The following ABCB9 variants were observed in gnomAD, a reference collection of about 807,000 sequenced individuals.
ABCB9 encodes ATP binding cassette subfamily B member 9, also known as ABC-type oligopeptide transporter ABCB9.
ABCB9 carries 36 observed loss-of-function variants against 62.0 expected under a neutral mutation model. The ratio of observed to expected loss-of-function variants is 0.58; its 90% CI spans 0.45 to 0.77. ABCB9 has a LOEUF of 0.77. Among genes scored for constraint, ABCB9 ranks in the 30% least tolerant of loss-of-function variants. ABCB9 has a pLI of 0.00. For synonymous variants in ABCB9, 435 were observed against 461.4 expected, an observed-to-expected ratio of 0.94 and a Z score of 0.73; for missense variants, 943 against 1,054.7, an observed-to-expected ratio of 0.89 and a Z score of 1.47.
chr12:122,963,732 C>T (rs2037031394), intron 1 of ABCB9, among the ~76,000 whole-genome samples: 2 of 152,158 alleles, frequency 1.3e-5, no homozygotes, highest in African/African-American at 4.8e-5. Flanking sequence ...GGGGATATAA[C>T]AACCTCCAAG....
intron 5 of ABCB9, chr12:122,946,618 A>C (rs2036059144): frequency 4.1e-6 from 1 of 244,594 alleles, no homozygotes; most frequent in Admixed American, 5.0e-5. Context: ...CAGGTTGTAC[A>C]CTATTTAAGA....
At chr12:122,948,457 T>C (rs759057150) in intron 5 of ABCB9, 167 bp downstream of exon 5, 17 of 642,412 alleles carry the variant, frequency 2.6e-5, no homozygotes, top group Admixed American at 1.8e-4. Flanking sequence ...ACATAGCAGG[T>C]GGTCAATAAT....
Position 122,929,812 on chromosome 12 carries a change from G to A in ABCB9, c.*99C>T. ...ACATGGCAGGTCGTCTTTCAGTGCT[G>A]CAGGCCTGGGCTCGGAGGGCAGCTG... On this transcript the variant is annotated 3_prime_UTR_variant, in exon 12 of 12. Transcript: ENST00000280560. The surrounding 1 kb of genome is among the most constrained non-coding windows in gnomAD (Gnocchi z 6.0). 7.0e-7 allele frequency: 1 copy of A among 1,436,710 alleles called. No individual in the cohort carries two copies. The highest frequency in any genetic ancestry group is 9.1e-7 in the Non-Finnish European group (1 of 1,096,962). 89.0% of individuals were successfully genotyped at this position (1,436,710 alleles called of 1,614,324 possible). A position where few individuals can be genotyped will look rare whatever the true frequency, so the allele number is the denominator to read the frequency against.
rs1177016620 is a variant in ABCB9, at chr12:122,932,042, C to G, written c.2040+150G>C. The G allele has an allele frequency of 2.8e-6, 4 of 1,406,232 alleles. No homozygotes were observed. Among genetic ancestry groups the G allele is most frequent in the Non-Finnish European group, 2.9e-6 (3 of 1,035,692 alleles). 87.1% of individuals were successfully genotyped at this position (1,406,232 alleles called of 1,614,324 possible). ...AGAGTGGCTCCTGGCTCCCCACTCT[C>G]AACACCAGGAATTCACCAGCCCAGG... is the stretch of plus-strand genomic sequence containing the variant. On this transcript the variant is annotated intron_variant, in intron 11 of 11. Transcript: ENST00000280560. The surrounding 1 kb of genome is among the most constrained non-coding windows in gnomAD (Gnocchi z 4.7).
intron 3 of ABCB9, 66 bp from the exon 4 acceptor site, chr12:122,949,984 C>T (rs757726468): frequency 1.9e-6 from 3 of 1,599,100 alleles, no homozygotes; most frequent in Non-Finnish European, 1.7e-6. Context: ...CCCGGCTGCC[C>T]CCTCCCGCTG....
Position 122,930,569 on chromosome 12 carries a change from C to T in ABCB9, c.2041-398G>A, listed in dbSNP as rs1482081562. 6.6e-6 allele frequency among the ~76,000 whole-genome samples: 1 copy of T among 151,980 alleles called. No individual in the cohort carries two copies. Among genetic ancestry groups the T allele is most frequent in the Non-Finnish European group, 1.5e-5 (1 of 67,988 alleles). ...GGATTACAGGTGCCCGCCACCATAC[C>T]CAGCTAATTTTTGTATTTTTAGTAG... On this transcript the variant is annotated intron_variant, in intron 11 of 11. Transcript: ENST00000280560. The surrounding 1 kb of genome is among the most constrained non-coding windows in gnomAD (Gnocchi z 4.9).
intron 6 of ABCB9, 35 bp downstream of exon 6, chr12:122,945,990 T>TCCACAGCCAGAGCTGCC: frequency 6.3e-7 from 1 of 1,588,280 alleles, no homozygotes; most frequent in Non-Finnish European, 8.6e-7. Context: ...ATCCCATCCC[T>TCCACAGCCAGAGCTGCC]CCACAGCCAG....
At position 122,922,197 on chromosome 12, in the gene ABCB9, G is replaced by A. The variant is rs547877081; in HGVS notation, c.2041-1154C>T. On this transcript the variant is annotated intron_variant, in intron 11 of 11. Transcript: ENST00000344275. ...GGCCACAGCAGCACTTATCATGCCA[G>A]GGTTTGTTTAGTTTGTTTACAGTGT... 1.0e-3 allele frequency among the ~76,000 whole-genome samples: 154 copies of A among 152,234 alleles called. 1 individual carries two copies. Among genetic ancestry groups the A allele is most frequent in the African/African-American group, 3.2e-3 (134 of 41,562 alleles).
At chr12:122,973,330 C>A (rs2037306703) in intron 1 of ABCB9, 1 of 150,884 alleles carries the variant, frequency 6.6e-6, no homozygotes, top group South Asian at 2.1e-4. Flanking sequence ...TTTGGGAGGC[C>A]GAGGCGGGTG....
Position 122,940,284 on chromosome 12 carries a change from T to G in ABCB9, c.1570A>C (p.Asn524His), listed in dbSNP as rs747405658. Residue 524 changes from asparagine to histidine, a missense_variant and splice_region_variant, in exon 9 of 12, where the codon AAT becomes CAT. Asn to His is a moderately conservative substitution (Grantham distance 68). Transcript: ENST00000280560. This position sits in a 1 kb window ranked among gnomAD's most constrained non-coding sequence, Gnocchi z 4.8. ...CCGGGGGACAGGCTGAAGGAGACAT[T>G]CTGCAAAGAACACACAGGCACAGTG... is the stretch of plus-strand genomic sequence containing the variant. ...RTRPHTQVLQ[N>H]VSFSLSPGKV... 2.5e-6 allele frequency: 4 copies of G among 1,589,158 alleles called. No individual in the cohort carries two copies. The highest frequency in any genetic ancestry group is 3.4e-6 in the Non-Finnish European group (4 of 1,166,642).
chr12:122,930,438 CT>C lies in ABCB9; in HGVS notation c.2041-268del, dbSNP rs1208536801. 4.6e-5 allele frequency among the ~76,000 whole-genome samples: 5 copies of C among 108,418 alleles called. No individual in the cohort carries two copies. Among genetic ancestry groups the C allele is most frequent in the African/African-American group, 1.8e-4 (5 of 28,006 alleles). The allele number at this position is 108,418 out of a possible 152,430, so 71.1% of individuals were successfully genotyped here. A position where few individuals can be genotyped will look rare whatever the true frequency, so the allele number is the denominator to read the frequency against. ...TTTTTTTTTTTTTTTTTTTTTAAGT[CT>C]TGCTGTCACCCAGGCTGGAGTGCGG... On this transcript the variant is annotated intron_variant, in intron 11 of 11. Transcript: ENST00000280560. This position sits in a 1 kb window ranked among gnomAD's most constrained non-coding sequence, Gnocchi z 4.9.
chr12:122,955,573 G>T (rs2036575602), intron 2 of ABCB9, among the ~76,000 whole-genome samples: 2 of 152,180 alleles, frequency 1.3e-5, no homozygotes, highest in Non-Finnish European at 2.9e-5. Flanking sequence ...TACATAACAG[G>T]GTCTTGCTAT....
rs2036260095 is a variant in ABCB9, at chr12:122,949,861, G to A, written c.774C>T (p.Asn258=). The A allele has an allele frequency of 1.2e-6, 2 of 1,614,214 alleles. No individual in the cohort carries two copies. Among genetic ancestry groups the A allele is most frequent in the South Asian group, 1.1e-5 (1 of 91,086 alleles). The change falls in exon 4 of 12, where the codon AAC becomes AAT. Residue 258 remains asparagine, a synonymous_variant. Transcript: ENST00000280560. ...GIFTLIFARL[N]IRLRNCLFRS... ...GGAAGAGACAGTTTCGAAGGCGAAT[G>A]TTCAGTCTGGCAAATATGAGGGTAA...
rs554544135 is a variant in ABCB9 at position 122,960,191 on chromosome 12, A to G, written c.45T>C (p.Ser15=). Residue 15 remains serine, a synonymous_variant, in exon 2 of 12, where the codon AGT becomes AGC. Transcript: ENST00000280560. ...TGGCCGTGGTCACGCAGATGTCCAC[A>G]CTCATGAAGGCCAAAGTCACCACCA... The part of the protein sequence containing the change: ...KAVVVTLAFM[S]VDICVTTAIY... 33 of 1,613,474 alleles carry G rather than the reference A, an allele frequency of 2.0e-5. No individual in the cohort carries two copies. The East Asian group carries it at 6.0e-4, about 29-fold the overall frequency.
Position 122,943,374 on chromosome 12 carries a change from G to A in ABCB9, c.1380+1017C>T, listed in dbSNP as rs563522665. Among the ~76,000 whole-genome samples the A allele has an allele frequency of 1.6e-4, 25 of 152,210 alleles. No individual in the cohort carries two copies. The South Asian group carries it at 5.0e-3, about 30-fold the overall frequency. ...ATTCTGTCTCAGGATCTGCTTGTGC[G>A]GAAACCAAAATCAAGACAATCTAAA... On this transcript the variant is annotated intron_variant, in intron 7 of 11. Transcript: ENST00000280560.
At chr12:122,937,514 C>A (rs1271094257) in intron 9 of ABCB9, among the ~76,000 whole-genome samples, 2 of 152,308 alleles carry the variant, frequency 1.3e-5, no homozygotes, top group South Asian at 2.1e-4. Context: ...TACATTCTCA[C>A]CAGTTAGCAA....
Position 122,944,391 on chromosome 12 carries a change from C to T in ABCB9, c.1380G>A (p.Glu460=), listed in dbSNP as rs1414761381. ...IYEFVLGDCM[E]SVGSVYSGLM... ...ATCCCCGGACACACTGGCCTCTCAC[C>T]TCCATACAATCTCCCAGGACAAACT... Residue 460 remains glutamate (E), a splice_region_variant and synonymous_variant, in exon 7 of 12, where the codon GAG becomes GAA. Coordinates refer to ENST00000280560, the MANE Select transcript of ABCB9 (RefSeq NM_019625.4). The surrounding 1 kb of genome is among the most constrained non-coding windows in gnomAD (Gnocchi z 4.9). 2.5e-6 allele frequency: 4 copies of T among 1,613,032 alleles called. No homozygotes were observed. Among genetic ancestry groups the T allele is most frequent in the East Asian group, 2.2e-5 (1 of 44,866 alleles).
chr12:122,940,160 A>G lies in ABCB9; in HGVS notation c.1694T>C (p.Leu565Pro). ...GTAGGCGCTGATGGGCTTGCCGTCCAGCAGCACCCGGCCCCCCTCCAGGGG... is the reference window on the plus strand; with the variant it reads ...GTAGGCGCTGATGGGCTTGCCGTCCGGCAGCACCCGGCCCCCCTCCAGGGG... ...FYPLEGGRVL[L>P]DGKPISAYDH... The change falls in exon 9 of 12, where the codon CTG (leucine) becomes CCG (proline). Residue 565 changes from leucine to proline, a missense_variant. Coordinates refer to ENST00000280560, the MANE Select transcript of ABCB9 (RefSeq NM_019625.4). The surrounding 1 kb of genome is among the most constrained non-coding windows in gnomAD (Gnocchi z 4.8). 4.3e-6 allele frequency: 7 copies of G among 1,613,538 alleles called. No individual in the cohort carries two copies. The highest frequency in any genetic ancestry group is 5.1e-6 in the Non-Finnish European group (6 of 1,179,844).
chr12:122,945,080 G>A (rs1352694094), intron 6 of ABCB9, among the ~76,000 whole-genome samples: 1 of 152,156 alleles, frequency 6.6e-6, no homozygotes, highest in African/African-American at 2.4e-5. Flanking sequence ...GCTGCTGTCT[G>A]GACCACCGTG....
Sources: allele counts gnomAD v4.1 joint callset (sites outside exome capture counted in the v4.1 genomes callset), GRCh38; gene constraint gnomAD v4.1.1; non-coding constraint Gnocchi (gnomAD v3.1); transcripts MANE v1.5; gene names NCBI Gene and HGNC (gene_info 2026-07-23, HGNC 2026-07-21).